The following SLC12A8 variants were observed in gnomAD, a reference collection of about 807,000 sequenced individuals.
SLC12A8 encodes solute carrier family 12 member 8.
Under a neutral mutation model 75.6 loss-of-function variants are expected in SLC12A8, and 69 were observed. The observed-to-expected ratio is 0.91, with a 90% CI of 0.75 to 1.11. The LOEUF is 1.11. Ranked by LOEUF, SLC12A8 falls within the 50% of genes most tolerant of loss-of-function variation. The probability of loss-of-function intolerance (pLI) is 0.00; values close to 1 mark genes in which losing one functional copy is unlikely to be tolerated. For synonymous variants in SLC12A8, 365 were observed against 372.8 expected (o/e 0.98, Z 0.24); for missense variants, 877 against 896.7 (o/e 0.98, Z 0.28).
At chr3:125,186,636 A>T (rs1486377137) in intron 4 of SLC12A8, among the ~76,000 whole-genome samples, 1 of 152,212 alleles carries the variant, frequency 6.6e-6, no homozygotes, top group African/African-American at 2.4e-5. Context: ...TGTTTTAGCT[A>T]AAAAAGCCTT....
intron 5 of SLC12A8, among the ~76,000 whole-genome samples, chr3:125,170,065 C>A (rs926084879): frequency 5.3e-5 from 8 of 152,066 alleles, no homozygotes; most frequent in African/African-American, 1.9e-4. Context: ...ATTAATGATT[C>A]AAGAAAAGCA....
intron 1 of SLC12A8, 135 bp from the exon 2 acceptor site, chr3:125,211,529 T>G (rs1292879388): frequency 1.2e-5 from 8 of 640,284 alleles, no homozygotes; most frequent in Admixed American, 2.5e-5. Flanking sequence ...GTCTACCTCA[T>G]CTGGAAACTT....
chr3:125,185,019 C>T (rs994927224), intron 4 of SLC12A8, among the ~76,000 whole-genome samples: 26 of 150,678 alleles, frequency 1.7e-4, no homozygotes, highest in Non-Finnish European at 3.1e-4. Context: ...AGATAACCTA[C>T]GTGAAGTGGA....
Position 125,135,680 on chromosome 3 carries a change from G to T in SLC12A8, c.725C>A (p.Pro242Gln). The T allele has an allele frequency of 6.3e-7, 1 of 1,599,622 alleles. No homozygotes were observed. The highest frequency in any genetic ancestry group is 8.5e-7 in the Non-Finnish European group (1 of 1,171,874). The change falls in exon 6 of 14, where the codon CCA (proline) becomes CAA (glutamine). Residue 242 changes from proline (P) to glutamine (Q), a missense_variant. By Grantham distance (76) the Pro-to-Gln change is moderately conservative (BLOSUM62 -1). Transcript: ENST00000469902. ...CCAGATTACAATACCTGTAGCCGCT[G>T]GGAAGAAAACCCCAAAGACAGTGAA... Reference protein sequence around the residue: ...SFFTVFGVFFPAATGVMAGFN... With the variant: ...SFFTVFGVFFQAATGVMAGFN...
chr3:125,189,437 A>G (rs1286285991), intron 3 of SLC12A8, among the ~76,000 whole-genome samples: 1 of 152,168 alleles, frequency 6.6e-6, no homozygotes, highest in Non-Finnish European at 1.5e-5. Flanking sequence ...GCTCAACTGC[A>G]TCTCCTCCAG....
intron 10 of SLC12A8, among the ~76,000 whole-genome samples, chr3:125,092,528 A>G (rs77008315): frequency 0.027 from 4,122 of 152,218 alleles, 89 homozygotes; most frequent in East Asian, 0.089. Flanking sequence ...AGAACTAGAC[A>G]TCTGGTATTC....
At chr3:125,096,637 T>G (rs1178146644) in intron 10 of SLC12A8, among the ~76,000 whole-genome samples, 1 of 152,210 alleles carries the variant, frequency 6.6e-6, no homozygotes, top group Non-Finnish European at 1.5e-5. Flanking sequence ...CTCTTTTATA[T>G]TCTAAATGCC....
chr3:125,109,951 T>C (rs899243932), intron 9 of SLC12A8, among the ~76,000 whole-genome samples: 3 of 152,176 alleles, frequency 2.0e-5, no homozygotes, highest in African/African-American at 7.2e-5. Context: ...AACCCAGTCC[T>C]AAAAGTGCTA....
chr3:125,112,160 G>A (rs182189335), intron 8 of SLC12A8, among the ~76,000 whole-genome samples: 20 of 152,340 alleles, frequency 1.3e-4, no homozygotes, highest in Admixed American at 4.6e-4. Context: ...CCCCCAAATG[G>A]TCAGGAAGGT....
At chr3:125,102,332 CG>C (rs1256652011) in intron 10 of SLC12A8, among the ~76,000 whole-genome samples, 4 of 152,042 alleles carry the variant, frequency 2.6e-5, no homozygotes, top group African/African-American at 9.7e-5. Context: ...TGGGTGAAAG[CG>C]GAACGTACAG....
intron 10 of SLC12A8, among the ~76,000 whole-genome samples, chr3:125,093,422 C>T (rs932045646): frequency 6.6e-6 from 1 of 152,152 alleles, no homozygotes; most frequent in Non-Finnish European, 1.5e-5. Context: ...AATCCTGTCT[C>T]ATATACCAGT....
intron 2 of SLC12A8, among the ~76,000 whole-genome samples, chr3:125,204,232 G>A (rs369312455): frequency 3.9e-5 from 6 of 152,292 alleles, no homozygotes; most frequent in African/African-American, 1.4e-4. Context: ...CCCACTGTGG[G>A]TACTTATCCA....
chr3:125,090,889 A>G (rs1268057380), intron 12 of SLC12A8, among the ~76,000 whole-genome samples: 2 of 152,110 alleles, frequency 1.3e-5, no homozygotes, highest in African/African-American at 4.8e-5. Context: ...TTGGCATTCA[A>G]TTAGGGTGCT....
intron 5 of SLC12A8, among the ~76,000 whole-genome samples, chr3:125,147,157 G>T (rs944227384): frequency 2.0e-5 from 3 of 152,228 alleles, no homozygotes; most frequent in African/African-American, 7.2e-5. Context: ...GGGCGCTGTT[G>T]TCCTAGTCCT....
intron 2 of SLC12A8, among the ~76,000 whole-genome samples, chr3:125,205,815 G>A (rs1403744196): frequency 6.6e-6 from 1 of 152,122 alleles, no homozygotes. Context: ...CTTTTTACTA[G>A]AGAGTCCATA....
intron 10 of SLC12A8, among the ~76,000 whole-genome samples, chr3:125,102,766 T>C (rs1319752181): frequency 1.3e-5 from 2 of 151,762 alleles, no homozygotes; most frequent in South Asian, 2.1e-4. Flanking sequence ...GAAACAGACA[T>C]AAACCCACAA....
At chr3:125,135,245 G>A (rs1367921177) in intron 6 of SLC12A8, among the ~76,000 whole-genome samples, 1 of 152,212 alleles carries the variant, frequency 6.6e-6, no homozygotes, top group Non-Finnish European at 1.5e-5. Flanking sequence ...GTAGGGGGAA[G>A]GGAAGTTTCG....
intron 5 of SLC12A8, among the ~76,000 whole-genome samples, chr3:125,177,513 A>G (rs1223715924): frequency 6.6e-6 from 1 of 152,142 alleles, no homozygotes; most frequent in Non-Finnish European, 1.5e-5. Flanking sequence ...AAAAGAAAAT[A>G]AAAGGACACA....
At chr3:125,145,367 CATT>C (rs1157864378) in intron 5 of SLC12A8, among the ~76,000 whole-genome samples, 1 of 152,144 alleles carries the variant, frequency 6.6e-6, no homozygotes, top group Non-Finnish European at 1.5e-5. Context: ...AAATATAAAA[CATT>C]AATAATAACA....
Sources: gnomAD v4.1 joint callset for allele counts (sites outside exome capture counted in the v4.1 genomes callset) on GRCh38, gnomAD v4.1.1 for gene constraint, MANE v1.5 for transcripts, NCBI Gene and HGNC (gene_info 2026-07-23, HGNC 2026-07-21) for gene names.